Variants in TEX11 observed in about 807,000 individuals in gnomAD.
TEX11 encodes testis-expressed protein 11.
In TEX11, 7 loss-of-function variants were observed where a neutral mutation model predicts 84.4. That is an observed-to-expected ratio of 0.08 (90% CI 0.05 to 0.16). The LOEUF (loss-of-function observed/expected upper bound fraction) is 0.16. Ranked by LOEUF, TEX11 falls within the 10% of genes least tolerant of loss-of-function variation. The pLI, the probability that TEX11 is intolerant of heterozygous loss-of-function variation, is 1.00. For missense variants in TEX11, 551 were observed against 660.5 expected (o/e 0.83, Z 1.82); for synonymous variants, 264 against 222.8 (o/e 1.18, Z -1.64).
intron 8 of TEX11, among the ~76,000 whole-genome samples, chrX:70,814,789 T>C (rs2091277462): frequency 8.9e-6 from 1 of 112,340 alleles, no homozygotes; most frequent in Non-Finnish European, 1.9e-5. Context: ...CACAATGAAG[T>C]AAAACTCTAT....
chrX:70,852,008 G>A (rs2091510919), intron 7 of TEX11, among the ~76,000 whole-genome samples: 2 of 111,798 alleles, frequency 1.8e-5, no homozygotes, highest in Admixed American at 1.9e-4. Flanking sequence ...AATGCTGATG[G>A]GGATGTCTTT....
intron 13 of TEX11, among the ~76,000 whole-genome samples, chrX:70,706,438 C>A (rs749585325): frequency 9.0e-6 from 1 of 110,769 alleles, no homozygotes; most frequent in South Asian, 3.9e-4. Context: ...CATATGTACC[C>A]TAGAACTTAA....
intron 2 of TEX11, 115 bp downstream of exon 2, chrX:70,907,638 C>T (rs1443254256): frequency 3.5e-5 from 19 of 539,255 alleles, no homozygotes; most frequent in East Asian, 1.1e-4. Flanking sequence ...GTGATCCGCC[C>T]GCCTCGGCCT....
chrX:70,818,345 G>T, intron 8 of TEX11, among the ~76,000 whole-genome samples: 1 of 110,083 alleles, frequency 9.1e-6, no homozygotes, highest in East Asian at 2.9e-4. Context: ...CAACCCACTG[G>T]AACACAAAAT....
In TEX11 at chrX:70,613,409, A is replaced by T. The variant is rs973682244; in HGVS notation, c.1752-2866T>A. 1.9e-4 allele frequency among the ~76,000 whole-genome samples: 21 copies of T among 111,895 alleles called. No homozygotes were observed. The Admixed American group carries it at 1.9e-3, about 10-fold the overall frequency. ...GAAAGAGAGAGAGAGTGCAGAGATT[A>T]TCAGACTTTGCACTGAACTCAGTGC... On this transcript the variant is annotated intron_variant, in intron 20 of 29. Transcript: ENST00000374333.
intron 11 of TEX11, among the ~76,000 whole-genome samples, chrX:70,733,459 G>GAAAAC (rs2090670721): frequency 9.0e-6 from 1 of 111,067 alleles, no homozygotes; most frequent in Non-Finnish European, 1.9e-5. Flanking sequence ...TTTACAGGAA[G>GAAAAC]AAAACAAACA....
At chrX:70,694,318 C>G (rs1023726118) in intron 13 of TEX11, among the ~76,000 whole-genome samples, 29 of 111,802 alleles carry the variant, frequency 2.6e-4, no homozygotes, top group African/African-American at 9.4e-4. Context: ...GCTGCTATTA[C>G]AAGCGTGAGC....
At chrX:70,838,736 C>A (rs933817794) in intron 7 of TEX11, among the ~76,000 whole-genome samples, 2 of 112,383 alleles carry the variant, frequency 1.8e-5, no homozygotes, top group African/African-American at 6.5e-5. Flanking sequence ...CTTTCCTAGT[C>A]AAAGAAAGCA....
At chrX:70,576,844 A>G (rs2088680372) in intron 25 of TEX11, among the ~76,000 whole-genome samples, 1 of 112,344 alleles carries the variant, frequency 8.9e-6, no homozygotes, top group Non-Finnish European at 1.9e-5. Context: ...CAAGGGGAGG[A>G]GCACACCCTG....
chrX:70,614,161 G>A (rs1294911489), intron 20 of TEX11, among the ~76,000 whole-genome samples: 1 of 111,306 alleles, frequency 9.0e-6, no homozygotes, highest in Non-Finnish European at 1.9e-5. Flanking sequence ...GAGAAAAGCA[G>A]AGGGAAAAGT....
intron 13 of TEX11, among the ~76,000 whole-genome samples, chrX:70,685,840 T>C (rs1009035534): frequency 7.1e-5 from 8 of 112,258 alleles, no homozygotes; most frequent in African/African-American, 2.6e-4. Flanking sequence ...ATGCTGAGCT[T>C]TTTTCCATAT....
At chrX:70,683,918 TAATGGTGATAGGACAGTCCTTTCAGCA>T (rs962320465) in intron 13 of TEX11, among the ~76,000 whole-genome samples, 40 of 111,714 alleles carry the variant, frequency 3.6e-4, no homozygotes, top group South Asian at 3.8e-4. Flanking sequence ...CAGGACCATT[TAATGGTGATAGGACAGTCCTTTCAGCA>T]AATGGTGATA....
intron 9 of TEX11, among the ~76,000 whole-genome samples, chrX:70,794,426 A>T (rs902267570): frequency 5.4e-5 from 6 of 111,010 alleles, no homozygotes; most frequent in South Asian, 7.6e-4. Flanking sequence ...AGTCTAGGCC[A>T]CAAGGCAAGT....
At chrX:70,562,645 G>A (rs996376748) in intron 25 of TEX11, among the ~76,000 whole-genome samples, 2 of 111,713 alleles carry the variant, frequency 1.8e-5, no homozygotes, top group African/African-American at 6.5e-5. Flanking sequence ...ATTCCATCTG[G>A]GATTCCCTCC....
rs1452825580 is a variant in TEX11, at chrX:70,552,148, G to C, written c.2498C>G (p.Ala833Gly). 1 of 1,210,823 alleles carries C rather than the reference G, an allele frequency of 8.3e-7. No individual in the cohort carries two copies. The highest frequency in any genetic ancestry group is 3.0e-5 in the East Asian group (1 of 33,824). ...LEEVWGYFED[A>G]LSHISRTKDY... ...TACAGTGCGGCTAATGTGGCTCAGAGCATCTTCAAAATAGCCCCAAACTTC... is the reference window on the plus strand; with the variant it reads ...TACAGTGCGGCTAATGTGGCTCAGACCATCTTCAAAATAGCCCCAAACTTC... Residue 833 changes from alanine (A) to glycine (G), a missense_variant, in exon 28 of 30, where the codon GCT becomes GGT. By Grantham distance (60) the Ala-to-Gly change is moderately conservative (BLOSUM62 0). Transcript: ENST00000374333.
At chrX:70,873,089 C>G in intron 4 of TEX11, 134 bp downstream of exon 4, 1 of 399,330 alleles carries the variant, frequency 2.5e-6, no homozygotes, top group Non-Finnish European at 4.2e-6. Flanking sequence ...AACCATTGTT[C>G]CTGGGTTGTT....
intron 7 of TEX11, among the ~76,000 whole-genome samples, chrX:70,841,126 G>A (rs1003134188): frequency 5.4e-5 from 6 of 110,782 alleles, no homozygotes; most frequent in South Asian, 3.8e-4. Flanking sequence ...TGCACCAAGC[G>A]GACCTAATAG....
At chrX:70,511,770 A>G in the TEX11 span, among the ~76,000 whole-genome samples, 3 of 93,995 alleles carry the variant, frequency 3.2e-5, no homozygotes, top group African/African-American at 1.3e-4. Flanking sequence ...AAAAAAAAAA[A>G]AAAAAAGAAA....
At chrX:70,613,357 C>T (rs1242519800) in intron 20 of TEX11, among the ~76,000 whole-genome samples, 1 of 111,791 alleles carries the variant, frequency 8.9e-6, no homozygotes, top group Non-Finnish European at 1.9e-5. Context: ...CAGCAGCTGC[C>T]TGGTGCAGAG....
Sources: gnomAD v4.1 joint callset for allele counts (sites outside exome capture counted in the v4.1 genomes callset) on GRCh38, gnomAD v4.1.1 for gene constraint, MANE v1.5 for transcripts, NCBI Gene and HGNC (gene_info 2026-07-23, HGNC 2026-07-21) for gene names.